The following AGPAT5 variants were observed in gnomAD, a reference collection of about 807,000 sequenced individuals.
AGPAT5 encodes the protein 1-acylglycerol-3-phosphate O-acyltransferase 5.
A neutral mutation model predicts 45.6 loss-of-function variants in AGPAT5; 46 were observed. That is an observed-to-expected ratio of 1.01 (90% CI 0.80 to 1.29). The LOEUF (loss-of-function observed/expected upper bound fraction) is 1.29. AGPAT5 is among the 50% of genes most tolerant of loss of function. The probability of loss-of-function intolerance (pLI) is 0.00; values close to 1 mark genes in which losing one functional copy is unlikely to be tolerated. For missense variants in AGPAT5, 673 were observed against 450.7 expected, an observed-to-expected ratio of 1.49 and a Z score of -4.47; for synonymous variants, 272 against 167.0, an observed-to-expected ratio of 1.63 and a Z score of -4.85.
chr8:6,708,705 C>G lies in AGPAT5; in HGVS notation c.37C>G (p.Arg13Gly). The G allele has an allele frequency of 1.9e-6, 3 of 1,604,952 alleles. No individual in the cohort carries two copies. Among genetic ancestry groups the G allele is most frequent in the Non-Finnish European group, 2.5e-6 (3 of 1,179,456 alleles). Residue 13 changes from arginine (R) to glycine (G), a missense_variant, in exon 1 of 8, where the codon CGC (arginine) becomes GGC (glycine). Arg to Gly is a moderately radical substitution (Grantham distance 125). Transcript: ENST00000285518. The part of the protein sequence containing the change: ...LSLVLHTYSM[R>G]YLLPSVVLLG... Reference sequence around the variant, plus strand: ...CCTGGTGCTCCACACGTACTCCATGCGCTACCTGCTGCCCAGCGTCGTGCT... The same window carrying G: ...CCTGGTGCTCCACACGTACTCCATGGGCTACCTGCTGCCCAGCGTCGTGCT...
At chr8:6,714,486 C>G (rs998098996) in intron 1 of AGPAT5, among the ~76,000 whole-genome samples, 8 of 152,206 alleles carry the variant, frequency 5.3e-5, no homozygotes, top group African/African-American at 1.9e-4. Context: ...ATATAAACCT[C>G]TGTGAACAAA....
At chr8:6,736,105 G>GC (rs1801045239) in intron 4 of AGPAT5, among the ~76,000 whole-genome samples, 1 of 152,020 alleles carries the variant, frequency 6.6e-6, no homozygotes, top group Non-Finnish European at 1.5e-5. Context: ...GCCCGCCTCG[G>GC]CCCCCCACAG....
intron 4 of AGPAT5, among the ~76,000 whole-genome samples, chr8:6,734,193 A>G (rs1054259010): frequency 3.3e-5 from 5 of 149,898 alleles, no homozygotes; most frequent in African/African-American, 1.2e-4. Flanking sequence ...TTCTCCAGTT[A>G]TGTTTGTGTT....
Position 6,726,677 on chromosome 8 carries a change from G to C in AGPAT5, c.289+1738G>C, listed in dbSNP as rs116043660. On this transcript the variant is annotated intron_variant, in intron 2 of 7. Coordinates refer to ENST00000285518, the MANE Select transcript of AGPAT5 (RefSeq NM_018361.5). ...ATTCTGCATGTATTTGGGACTAGAA[G>C]GTACTATGGGAAGGATAATCTTCAT... Among the ~76,000 whole-genome samples, 1,258 of 152,194 alleles carry C rather than the reference G, an allele frequency of 8.3e-3. 24 individuals are homozygous for C. The highest frequency in any genetic ancestry group is 0.027 in the African/African-American group (1,139 of 41,506).
intron 5 of AGPAT5, among the ~76,000 whole-genome samples, chr8:6,747,403 G>A (rs942981020): frequency 3.9e-5 from 6 of 152,236 alleles, no homozygotes; most frequent in African/African-American, 1.4e-4. Context: ...CTACTAGATT[G>A]AAGCGTTTCC....
At chr8:6,715,335 A>G (rs1297202790) in intron 1 of AGPAT5, among the ~76,000 whole-genome samples, 1 of 152,192 alleles carries the variant, frequency 6.6e-6, no homozygotes, top group African/African-American at 2.4e-5. Context: ...GTGAGAAATG[A>G]TGGTTAGGGG....
intron 1 of AGPAT5, among the ~76,000 whole-genome samples, chr8:6,721,502 T>G (rs1272476888): frequency 2.0e-5 from 3 of 152,228 alleles, no homozygotes; most frequent in African/African-American, 7.2e-5. Flanking sequence ...ATGAAGTAGT[T>G]TACATAGTTT....
At chr8:6,715,654 G>T (rs1800303699) in intron 1 of AGPAT5, among the ~76,000 whole-genome samples, 1 of 152,188 alleles carries the variant, frequency 6.6e-6, no homozygotes, top group Admixed American at 6.5e-5. Context: ...TGGCAATGTG[G>T]TTATATTGGT....
rs557369531 is a variant in AGPAT5, at chr8:6,719,439, C to G, written c.220-5431C>G. 7.9e-5 allele frequency among the ~76,000 whole-genome samples: 12 copies of G among 152,270 alleles called. No homozygotes were observed. The South Asian group carries it at 1.2e-3, about 16-fold the overall frequency. On this transcript the variant is annotated intron_variant, in intron 1 of 7. Transcript: ENST00000285518. Reference sequence around the variant, plus strand: ...GAAAAGATTAGAAACATAAAGCCTTCCATCACAATTCCCACCCGGAACAGG... The same window carrying G: ...GAAAAGATTAGAAACATAAAGCCTTGCATCACAATTCCCACCCGGAACAGG...
chr8:6,738,886 C>G (rs930319055), intron 4 of AGPAT5, among the ~76,000 whole-genome samples: 2 of 151,696 alleles, frequency 1.3e-5, no homozygotes, highest in African/African-American at 4.8e-5. Flanking sequence ...TTTAAGAAGT[C>G]CTTGCCAAAC....
At chr8:6,744,071 TTGGCAAA>T (rs1801339735) in intron 5 of AGPAT5, among the ~76,000 whole-genome samples, 1 of 152,050 alleles carries the variant, frequency 6.6e-6, no homozygotes, top group Non-Finnish European at 1.5e-5. Context: ...ACAAATTTAG[TTGGCAAA>T]TGGCAAGCTA....
chr8:6,718,334 A>G (rs190794391), intron 1 of AGPAT5, among the ~76,000 whole-genome samples: 77 of 152,268 alleles, frequency 5.1e-4, no homozygotes, highest in African/African-American at 1.6e-3. Flanking sequence ...CCTGGCTTTG[A>G]TGCTTGCTTT....
At position 6,730,749 on chromosome 8, in the gene AGPAT5, A is replaced by G. The variant is rs760748971; in HGVS notation, c.328A>G (p.Asn110Asp). ...TGCTGACATCTTGGCCATCAGGCAG[A>G]ATGCGCTAGGACATGTGCGCTACGT... is the stretch of plus-strand genomic sequence containing the variant. Reference protein sequence around the residue: ...IVADILAIRQNALGHVRYVLK... With the variant: ...IVADILAIRQDALGHVRYVLK... The change falls in exon 3 of 8, where the codon AAT becomes GAT. Residue 110 changes from asparagine to aspartate, a missense_variant. Physicochemically the swap from Asn to Asp is conservative, Grantham distance 23. Coordinates refer to ENST00000285518, the MANE Select transcript of AGPAT5 (RefSeq NM_018361.5). The G allele has an allele frequency of 6.2e-7, 1 of 1,613,434 alleles. No individual in the cohort carries two copies. The highest frequency in any genetic ancestry group is 1.1e-5 in the South Asian group (1 of 91,018).
In AGPAT5 at chr8:6,757,367, G is replaced by C. The variant is rs961175689; in HGVS notation, c.1074G>C (p.Leu358=). The change falls in exon 8 of 8, where the codon CTG becomes CTC. Residue 358 remains leucine (L), a synonymous_variant. Coordinates refer to ENST00000285518, the MANE Select transcript of AGPAT5 (RefSeq NM_018361.5). ...TATATGGAACCCTACTTGGCTGCCT[G>C]TGGGTTACTATTAAAGCATAGACAA... is the stretch of plus-strand genomic sequence containing the variant. The part of the protein sequence containing the change: ...TWIYGTLLGC[L]WVTIKA The C allele has an allele frequency of 2.5e-6, 4 of 1,614,048 alleles. No individual in the cohort carries two copies. The African/African-American group carries it at 5.3e-5, about 22-fold the overall frequency.
rs887359246 is a variant in AGPAT5, at chr8:6,734,257, G to T, written c.495+1607G>T. On this transcript the variant is annotated intron_variant, in intron 4 of 7. Transcript: ENST00000285518. ...TAGATGCATTATTCGTTTTTTGTTG[G>T]TTTTTTTTTTAATTTTTTTTTTTAC... is the stretch of plus-strand genomic sequence containing the variant. 8.8e-4 allele frequency among the ~76,000 whole-genome samples: 130 copies of T among 147,646 alleles called. 1 individual carries two copies. The highest frequency in any genetic ancestry group is 5.6e-4 in the Non-Finnish European group (37 of 66,458).
chr8:6,724,414 G>C (rs1263662697), intron 1 of AGPAT5, among the ~76,000 whole-genome samples: 1 of 151,974 alleles, frequency 6.6e-6, no homozygotes, highest in Non-Finnish European at 1.5e-5. Flanking sequence ...AATTAAAAAA[G>C]GTTGTGTACC....
intron 4 of AGPAT5, among the ~76,000 whole-genome samples, chr8:6,736,077 C>G (rs1403399139): frequency 6.6e-6 from 1 of 152,128 alleles, no homozygotes; most frequent in African/African-American, 2.4e-5. Context: ...TGGTCTCGAA[C>G]TCCTGACCTC....
At chr8:6,734,174 C>G (rs1800962547) in intron 4 of AGPAT5, among the ~76,000 whole-genome samples, 1 of 151,986 alleles carries the variant, frequency 6.6e-6, no homozygotes, top group African/African-American at 2.4e-5. Context: ...ATTCCTACCC[C>G]AGTCTTTCTT....
intron 2 of AGPAT5, among the ~76,000 whole-genome samples, chr8:6,728,895 C>T (rs941734043): frequency 6.6e-6 from 1 of 152,134 alleles, no homozygotes; most frequent in African/African-American, 2.4e-5. Flanking sequence ...AGGGCTTCAA[C>T]AGGAATTTAT....
Sources: allele counts gnomAD v4.1 joint callset (sites outside exome capture counted in the v4.1 genomes callset), GRCh38; gene constraint gnomAD v4.1.1; transcripts MANE v1.5; gene names NCBI Gene and HGNC (gene_info 2026-07-23, HGNC 2026-07-21).